Variants in RNF185 observed in about 807,000 individuals in gnomAD.
RNF185 encodes E3 ubiquitin-protein ligase RNF185.
A neutral mutation model predicts 24.9 loss-of-function variants in RNF185; 13 were observed. That is an observed-to-expected ratio of 0.52 (90% CI 0.34 to 0.83). The LOEUF is 0.83. Ranked by LOEUF, RNF185 falls within the 40% of genes least tolerant of loss-of-function variation. The probability of loss-of-function intolerance (pLI) is 0.01; values close to 1 mark genes in which losing one functional copy is unlikely to be tolerated. For missense variants in RNF185, 184 were observed against 244.7 expected (o/e 0.75, Z 1.65); for synonymous variants, 79 against 90.3 (o/e 0.88, Z 0.71).
chr22:31,171,315 G>T (rs975227555), intron 1 of RNF185, among the ~76,000 whole-genome samples: 2 of 150,812 alleles, frequency 1.3e-5, no homozygotes, highest in African/African-American at 2.4e-5. Flanking sequence ...GATTACAGGC[G>T]CCCACCACTA....
chr22:31,167,603 T>G lies in RNF185; in HGVS notation c.-49+7300T>G, dbSNP rs866757166. On this transcript the variant is annotated intron_variant, in intron 1 of 6. Coordinates refer to ENST00000326132, the MANE Select transcript of RNF185 (RefSeq NM_152267.4). ...GACCTTTTATGGAAACGTAGGGGGG[T>G]TTTTTCCTTTTTTTTTTTTTTTTTT... Among the ~76,000 whole-genome samples, 205 of 140,802 alleles carry G rather than the reference T, an allele frequency of 1.5e-3. 1 individual carries two copies. Among genetic ancestry groups the G allele is most frequent in the African/African-American group, 5.1e-3 (182 of 35,588 alleles). The allele number at this position is 140,802 out of a possible 152,430, so 92.4% of individuals were successfully genotyped here.
At chr22:31,174,746 C>T (rs1403094740) in intron 1 of RNF185, among the ~76,000 whole-genome samples, 2 of 151,762 alleles carry the variant, frequency 1.3e-5, no homozygotes, top group East Asian at 3.9e-4. Flanking sequence ...TAAAACCCAA[C>T]AAATGAACAA....
rs773967077 is a variant in RNF185 at position 31,195,449 on chromosome 22, T to C, written c.196-20T>C. 11 of 1,561,770 alleles carry C rather than the reference T, an allele frequency of 7.0e-6. No individual in the cohort carries two copies. Among genetic ancestry groups the C allele is most frequent in the Non-Finnish European group, 9.6e-6 (11 of 1,147,454 alleles). ...GTGGGTCTTGGGCCATCCACATGCA[T>C]TTTTCTCTCCTGTTTGCAGTGGTTG... On this transcript the variant is annotated intron_variant, in intron 3 of 6. Transcript: ENST00000326132.
rs753844133 is a variant in RNF185, at chr22:31,187,179, G to A, written c.85G>A (p.Glu29Lys). Reference protein sequence around the residue: ...GPSGSSNGAGESGGQDSTFEC... With the variant: ...GPSGSSNGAGKSGGQDSTFEC... ...CAGTGGGAGCAGCAATGGCGCTGGC[G>A]AGAGCGGAGGGCAGGACAGCACTTT... The change falls in exon 2 of 7, where the codon GAG becomes AAG. Residue 29 changes from glutamate to lysine, a missense_variant. By Grantham distance (56) the Glu-to-Lys change is moderately conservative (BLOSUM62 1). Transcript: ENST00000326132. 13 of 1,613,842 alleles carry A rather than the reference G, an allele frequency of 8.1e-6. No individual in the cohort carries two copies. In the Admixed American group the frequency reaches 1.2e-4, roughly 14 times the overall value.
At chr22:31,167,137 A>T (rs1923974275) in intron 1 of RNF185, among the ~76,000 whole-genome samples, 1 of 152,148 alleles carries the variant, frequency 6.6e-6, no homozygotes, top group Admixed American at 6.6e-5. Context: ...TATTGTGGTA[A>T]GATGTACATA....
intron 3 of RNF185, among the ~76,000 whole-genome samples, chr22:31,194,880 T>A (rs192702401): frequency 5.3e-5 from 8 of 152,256 alleles, no homozygotes; most frequent in Admixed American, 5.2e-4. Flanking sequence ...GCCCCAGACT[T>A]GCAGTTTCCC....
chr22:31,198,309 A>G (rs968354295), intron 5 of RNF185, among the ~76,000 whole-genome samples: 2 of 151,374 alleles, frequency 1.3e-5, no homozygotes, highest in Admixed American at 1.3e-4. Flanking sequence ...GGTTCATTGT[A>G]ATTTGGGTTT....
At chr22:31,165,132 G>A (rs1466023497) in intron 1 of RNF185, among the ~76,000 whole-genome samples, 8 of 151,398 alleles carry the variant, frequency 5.3e-5, no homozygotes, top group African/African-American at 1.9e-4. Flanking sequence ...TGGTCAAGCT[G>A]GTCTGGAACT....
intron 1 of RNF185, among the ~76,000 whole-genome samples, chr22:31,164,043 A>G (rs1923754916): frequency 6.6e-6 from 1 of 150,840 alleles, no homozygotes; most frequent in African/African-American, 2.4e-5. Context: ...ATGCGGTGGG[A>G]CAGTCTCAGC....
rs541459688 is a variant in RNF185 at position 31,196,387 on chromosome 22, C to T, written c.309-549C>T. 1.1e-4 allele frequency among the ~76,000 whole-genome samples: 16 copies of T among 152,340 alleles called. No individual in the cohort carries two copies. The South Asian group carries it at 3.3e-3, about 32-fold the overall frequency. On this transcript the variant is annotated intron_variant, in intron 4 of 6. Transcript: ENST00000326132. ...AGGGTTGGGTCTGTCATCAGTATTA[C>T]AGCATCCTGCATAATGCTTATTGTA...
At chr22:31,184,783 C>A (rs558701437) in intron 1 of RNF185, among the ~76,000 whole-genome samples, 1 of 151,884 alleles carries the variant, frequency 6.6e-6, no homozygotes, top group South Asian at 2.1e-4. Context: ...GGTGTGGCGG[C>A]GCGCGCCTGC....
In RNF185 at chr22:31,177,470, T is replaced by C. The variant is rs116474491; in HGVS notation, c.-48-9577T>C. Among the ~76,000 whole-genome samples, 719 of 152,212 alleles carry C rather than the reference T, an allele frequency of 4.7e-3. 5 individuals carry two copies. Among genetic ancestry groups the C allele is most frequent in the African/African-American group, 0.016 (677 of 41,530 alleles). ...GCTAGCCTAGGAACCTAAACACCACTTAGACTTTAAAATTTCAAAGCTGGT... is the reference window on the plus strand; with the variant it reads ...GCTAGCCTAGGAACCTAAACACCACCTAGACTTTAAAATTTCAAAGCTGGT... On this transcript the variant is annotated intron_variant, in intron 1 of 6. Transcript: ENST00000326132.
chr22:31,171,216 C>T (rs1227020697), intron 1 of RNF185, among the ~76,000 whole-genome samples: 1 of 145,568 alleles, frequency 6.9e-6, no homozygotes, highest in Non-Finnish European at 1.5e-5. Flanking sequence ...GTTGCCCAGG[C>T]TGGAGTGCAA....
At chr22:31,181,087 C>T (rs2048031975) in intron 1 of RNF185, among the ~76,000 whole-genome samples, 1 of 152,048 alleles carries the variant, frequency 6.6e-6, no homozygotes, top group Non-Finnish European at 1.5e-5. Context: ...TTTATTGGGG[C>T]TAGGCATGGT....
intron 6 of RNF185, among the ~76,000 whole-genome samples, chr22:31,202,745 T>C (rs907491031): frequency 5.3e-5 from 8 of 151,392 alleles, no homozygotes; most frequent in African/African-American, 1.9e-4. Flanking sequence ...CCCGAGTAGC[T>C]GGGACTACAG....
At chr22:31,192,757 GC>G in intron 3 of RNF185, 55 bp downstream of exon 3, 1 of 1,544,170 alleles carries the variant, frequency 6.5e-7, no homozygotes. Context: ...GCACAAGAGA[GC>G]CCTAGTCTCA....
chr22:31,193,924 A>G (rs979076202), intron 3 of RNF185, among the ~76,000 whole-genome samples: 18 of 146,386 alleles, frequency 1.2e-4, no homozygotes, highest in African/African-American at 4.5e-4. Context: ...AGACAGTCTC[A>G]TTCTGTCGCC....
intron 1 of RNF185, among the ~76,000 whole-genome samples, chr22:31,175,066 C>T (rs951288656): frequency 3.6e-5 from 4 of 110,546 alleles, no homozygotes; most frequent in African/African-American, 4.1e-5. Flanking sequence ...AGCGAGCCTC[C>T]GTCTCAAATT....
At chr22:31,195,172 T>C (rs2048193527) in intron 3 of RNF185, among the ~76,000 whole-genome samples, 1 of 152,124 alleles carries the variant, frequency 6.6e-6, no homozygotes, top group South Asian at 2.1e-4. Context: ...AGGCTTCTCT[T>C]GAACTCCTGA....
Sources: allele counts gnomAD v4.1 joint callset (sites outside exome capture counted in the v4.1 genomes callset), GRCh38; gene constraint gnomAD v4.1.1; transcripts MANE v1.5; gene names NCBI Gene and HGNC (gene_info 2026-07-23, HGNC 2026-07-21).